The following ANKRD27 variants were observed in gnomAD, a reference collection of about 807,000 sequenced individuals.
ANKRD27 encodes the protein ankyrin repeat domain 27.
A neutral mutation model predicts 129.7 loss-of-function variants in ANKRD27; 112 were observed. That is an observed-to-expected ratio of 0.86 (90% CI 0.74 to 1.01). ANKRD27 has a LOEUF of 1.01. ANKRD27 is among the 50% of genes least tolerant of loss of function. The probability of loss-of-function intolerance (pLI) is 0.00; values close to 1 mark genes in which losing one functional copy is unlikely to be tolerated. For synonymous variants in ANKRD27, 516 were observed against 511.2 expected, an observed-to-expected ratio of 1.01 and a Z score of -0.13; for missense variants, 1,258 against 1,300.5, an observed-to-expected ratio of 0.97 and a Z score of 0.50.
intron 1 of ANKRD27, among the ~76,000 whole-genome samples, chr19:32,670,705 A>T (rs892726656): frequency 1.3e-5 from 2 of 151,226 alleles, no homozygotes; most frequent in African/African-American, 4.9e-5. Context: ...ATTAAAATTT[A>T]AAAAAGGGCC....
At chr19:32,640,481 G>A (rs555824995) in intron 10 of ANKRD27, 96 bp from the exon 11 acceptor site, 153 of 972,342 alleles carry the variant, frequency 1.6e-4, no homozygotes, top group Non-Finnish European at 2.3e-4. Flanking sequence ...GTGAAACCAC[G>A]TATCAGGGAG....
chr19:32,619,493 C>A lies in ANKRD27; in HGVS notation c.1887+1G>T. 1 of 1,614,104 alleles carries A rather than the reference C, an allele frequency of 6.2e-7. No homozygotes were observed. The highest frequency in any genetic ancestry group is 8.5e-7 in the Non-Finnish European group (1 of 1,180,024). Reference sequence around the variant, plus strand: ...TGACCTGCTCAGCCCGGCTGACTTACCTCGGACGACTTCTGCCTCCTCTCG... The same window carrying A: ...TGACCTGCTCAGCCCGGCTGACTTAACTCGGACGACTTCTGCCTCCTCTCG... On this transcript the variant is annotated splice_donor_variant, in intron 19 of 28. Transcript: ENST00000306065. LOFTEE classifies it high-confidence loss of function.
At chr19:32,637,321 G>A (rs1483028828) in intron 12 of ANKRD27, 1 of 152,156 alleles carries the variant, frequency 6.6e-6, no homozygotes, top group Non-Finnish European at 1.5e-5. Context: ...TGTGATTTCT[G>A]TATGATCACA....
At chr19:32,600,487 G>T (rs1971635636) in intron 26 of ANKRD27, among the ~76,000 whole-genome samples, 1 of 152,138 alleles carries the variant, frequency 6.6e-6, no homozygotes, top group Non-Finnish European at 1.5e-5. Flanking sequence ...GTTGCAGTGA[G>T]CCGAGATTGC....
At chr19:32,628,261 C>T (rs1966926873) in intron 14 of ANKRD27, 96 bp from the exon 15 acceptor site, 4 of 1,025,722 alleles carry the variant, frequency 3.9e-6, no homozygotes, top group Non-Finnish European at 5.9e-6. Context: ...AGACAGAAGG[C>T]GGCTCACAGG....
chr19:32,625,216 G>A (rs259236), intron 17 of ANKRD27, among the ~76,000 whole-genome samples: 120,065 of 151,842 alleles, frequency 0.79, 48,359 homozygotes, highest in African/African-American at 0.95. Context: ...AGATCCCATC[G>A]TTGCACTCCA....
At chr19:32,668,011 T>G (rs942037464) in intron 1 of ANKRD27, among the ~76,000 whole-genome samples, 3 of 152,214 alleles carry the variant, frequency 2.0e-5, no homozygotes, top group Non-Finnish European at 4.4e-5. Flanking sequence ...GGATCCAGAA[T>G]GCTTCCTTGG....
chr19:32,669,617 A>C (rs1464886506), intron 1 of ANKRD27, among the ~76,000 whole-genome samples: 3 of 152,190 alleles, frequency 2.0e-5, no homozygotes, highest in Non-Finnish European at 4.4e-5. Context: ...GAACACCAAT[A>C]CTTCCACCCC....
intron 22 of ANKRD27, among the ~76,000 whole-genome samples, chr19:32,614,235 T>C (rs1023249935): frequency 2.6e-5 from 4 of 152,104 alleles, no homozygotes; most frequent in African/African-American, 7.2e-5. Context: ...CCAAGTTGTA[T>C]AAATACATAG....
chr19:32,644,408 G>A lies in ANKRD27; in HGVS notation c.442C>T (p.His148Tyr), dbSNP rs775402928. The A allele has an allele frequency of 1.2e-6, 2 of 1,614,044 alleles. No individual in the cohort carries two copies. The highest frequency in any genetic ancestry group is 1.1e-5 in the South Asian group (1 of 91,090). Residue 148 changes from histidine to tyrosine, a missense_variant, in exon 5 of 29, where the codon CAC becomes TAC. His to Tyr is a moderately conservative substitution (Grantham distance 83, BLOSUM62 2). Transcript: ENST00000306065. ...ATGTTCCTGTCAAATCGCTCGGAGT[G>A]TCTTCCCAAGAACTCTCTCACATCT... Reference protein sequence around the residue: ...IEDVREFLGRHSERFDRNIAS... With the variant: ...IEDVREFLGRYSERFDRNIAS...
At chr19:32,658,714 C>T (rs1353415616) in intron 2 of ANKRD27, among the ~76,000 whole-genome samples, 200 bp downstream of exon 2, 2 of 152,230 alleles carry the variant, frequency 1.3e-5, no homozygotes, top group Non-Finnish European at 2.9e-5. Flanking sequence ...GAAAGTATTA[C>T]AGCCTGGACT....
At chr19:32,645,860 T>C (rs1311576452) in intron 4 of ANKRD27, among the ~76,000 whole-genome samples, 5 of 152,112 alleles carry the variant, frequency 3.3e-5, no homozygotes, top group Admixed American at 6.5e-5. Context: ...GGTCTTGAAC[T>C]CCTGACCTCA....
chr19:32,615,757 T>C lies in ANKRD27; in HGVS notation c.2076A>G (p.Thr692=), dbSNP rs760709275. The C allele has an allele frequency of 3.7e-6, 6 of 1,613,796 alleles. No individual in the cohort carries two copies. In the East Asian group the frequency reaches 1.1e-4, roughly 30 times the overall value. ...LEMVRYLLEW[T]EEDLEDAEDT... is the part of the protein sequence containing the mutation. ...CCTCCGCATCCTCCAGGTCCTCCTC[T>C]GTCCATTCCAACAGGTAACGCACCT... The change falls in exon 22 of 29, where the codon ACA becomes ACG. Residue 692 remains threonine, a synonymous_variant. Transcript: ENST00000306065.
At chr19:32,657,377 G>A (rs1038626188) in intron 2 of ANKRD27, among the ~76,000 whole-genome samples, 2 of 151,710 alleles carry the variant, frequency 1.3e-5, no homozygotes, top group Non-Finnish European at 2.9e-5. Context: ...CAGGAAAATC[G>A]CTTGAACCCC....
At chr19:32,672,947 C>A (rs1967900949) in intron 1 of ANKRD27, 1 of 152,228 alleles carries the variant, frequency 6.6e-6, no homozygotes, top group Non-Finnish European at 1.5e-5. Flanking sequence ...TTCCTCCACT[C>A]CTCTATGAGA....
intron 22 of ANKRD27, among the ~76,000 whole-genome samples, chr19:32,610,178 C>T (rs892027251): frequency 1.3e-5 from 2 of 152,066 alleles, no homozygotes; most frequent in African/African-American, 4.8e-5. Context: ...GGCATGGTGG[C>T]GCATGCCTGT....
chr19:32,667,301 T>A (rs989378770), intron 1 of ANKRD27, among the ~76,000 whole-genome samples: 1 of 152,268 alleles, frequency 6.6e-6, no homozygotes, highest in Non-Finnish European at 1.5e-5. Flanking sequence ...TTACACATAA[T>A]GGCTCTCTTG....
chr19:32,639,334 C>T (rs1323498218), intron 12 of ANKRD27, 22 bp downstream of exon 12: 2 of 1,613,774 alleles, frequency 1.2e-6, no homozygotes, highest in Non-Finnish European at 1.7e-6. Flanking sequence ...AAAGGAAGGC[C>T]AGGGCAGGGG....
intron 13 of ANKRD27, among the ~76,000 whole-genome samples, chr19:32,630,632 C>T (rs917428113): frequency 6.6e-6 from 1 of 152,300 alleles, no homozygotes; most frequent in Non-Finnish European, 1.5e-5. Context: ...GCACAGCACG[C>T]TGGGGGAGGT....
Sources: gnomAD v4.1 joint callset for allele counts (sites outside exome capture counted in the v4.1 genomes callset) on GRCh38, gnomAD v4.1.1 for gene constraint, MANE v1.5 for transcripts, NCBI Gene and HGNC (gene_info 2026-07-23, HGNC 2026-07-21) for gene names.